Variants in HERC3 observed in about 807,000 individuals in gnomAD.
HERC3 encodes the protein probable E3 ubiquitin-protein ligase HERC3.
A neutral mutation model predicts 129.9 loss-of-function variants in HERC3; 58 were observed. That is an observed-to-expected ratio of 0.45 (90% CI 0.36 to 0.56). The LOEUF (loss-of-function observed/expected upper bound fraction) is 0.56, where lower values mean the gene tolerates loss of function less well. HERC3 is among the 20% of genes least tolerant of loss of function. HERC3 has a pLI of 0.00. For synonymous variants in HERC3, 430 were observed against 451.0 expected (o/e 0.95, Z 0.59); for missense variants, 835 against 1,244.2 (o/e 0.67, Z 4.95).
intron 3 of HERC3, among the ~76,000 whole-genome samples, chr4:88,628,800 A>T (rs1387448279): frequency 6.6e-6 from 1 of 152,206 alleles, no homozygotes; most frequent in African/African-American, 2.4e-5. Flanking sequence ...CCTCTTACTT[A>T]ATCACATTGA....
At chr4:88,654,007 ATG>A (rs779580046) in intron 6 of HERC3, 33 bp from the exon 7 acceptor site, 1 of 1,458,542 alleles carries the variant, frequency 6.9e-7, no homozygotes, top group African/African-American at 1.4e-5. Flanking sequence ...TCAAAGGCAA[ATG>A]GTAGTGATAT....
chr4:88,683,561 A>T (rs933424197), intron 21 of HERC3, among the ~76,000 whole-genome samples: 1 of 152,226 alleles, frequency 6.6e-6, no homozygotes, highest in Non-Finnish European at 1.5e-5. Flanking sequence ...TTGGCTGATT[A>T]ACTGGTGGCA....
At chr4:88,578,139 T>G in the HERC3 span, among the ~76,000 whole-genome samples, 3 of 152,152 alleles carry the variant, frequency 2.0e-5, no homozygotes, top group Non-Finnish European at 4.4e-5. Flanking sequence ...ATAACAAGAA[T>G]GAGAAACAGA....
the HERC3 span, among the ~76,000 whole-genome samples, chr4:88,536,224 T>G: frequency 6.6e-6 from 1 of 152,192 alleles, no homozygotes. Flanking sequence ...TTCTGAACTA[T>G]TTGTTGTCCC....
chr4:88,554,653 G>A, the HERC3 span, among the ~76,000 whole-genome samples: 2 of 152,152 alleles, frequency 1.3e-5, no homozygotes, highest in African/African-American at 4.8e-5. Flanking sequence ...GGAAGAATTG[G>A]TTGAGAATGG....
intron 3 of HERC3, among the ~76,000 whole-genome samples, chr4:88,624,977 A>C (rs1355076544): frequency 1.3e-5 from 2 of 152,154 alleles, no homozygotes; most frequent in African/African-American, 4.8e-5. Context: ...GCTCCCTTGC[A>C]TTATCCTGGA....
At chr4:88,704,346 T>TC (rs1179266339) in intron 24 of HERC3, 65 bp downstream of exon 24, 90 of 1,511,748 alleles carry the variant, frequency 6.0e-5, no homozygotes, top group Non-Finnish European at 8.1e-5. Flanking sequence ...GGGGAGGTGT[T>TC]CCCAGAGCCT....
intron 3 of HERC3, among the ~76,000 whole-genome samples, chr4:88,627,989 T>C (rs559252697): frequency 8.5e-5 from 13 of 152,136 alleles, no homozygotes; most frequent in South Asian, 6.2e-4. Context: ...ATGTTCTAAG[T>C]GCATCAACGA....
chr4:88,642,437 G>A (rs1390968377), intron 3 of HERC3, among the ~76,000 whole-genome samples: 1 of 152,202 alleles, frequency 6.6e-6, no homozygotes, highest in African/African-American at 2.4e-5. Context: ...TTATAGCTAT[G>A]TCAAACAGTG....
At chr4:88,549,597 C>T in the HERC3 span, among the ~76,000 whole-genome samples, 2 of 152,102 alleles carry the variant, frequency 1.3e-5, no homozygotes, top group South Asian at 2.1e-4. Flanking sequence ...ACTTCACTTA[C>T]GATAATGGCC....
At chr4:88,602,983 C>T (rs1417276048) in intron 2 of HERC3, among the ~76,000 whole-genome samples, 1 of 152,114 alleles carries the variant, frequency 6.6e-6, no homozygotes, top group African/African-American at 2.4e-5. Flanking sequence ...TCTTTTTATT[C>T]ATGCTTGGCA....
chr4:88,679,104 T>A (rs1189240507), intron 19 of HERC3, among the ~76,000 whole-genome samples: 1 of 152,200 alleles, frequency 6.6e-6, no homozygotes, highest in Non-Finnish European at 1.5e-5. Flanking sequence ...TCTGCCCGAG[T>A]CATTATCTAT....
chr4:88,556,347 G>A, the HERC3 span, among the ~76,000 whole-genome samples: 1 of 152,098 alleles, frequency 6.6e-6, no homozygotes, highest in Non-Finnish European at 1.5e-5. Flanking sequence ...TGAACAAAAT[G>A]CAAGTAAACC....
chr4:88,567,078 C>T, the HERC3 span, among the ~76,000 whole-genome samples: 18 of 152,162 alleles, frequency 1.2e-4, no homozygotes, highest in Non-Finnish European at 2.1e-4. Context: ...CATAAGCCAC[C>T]ATACCTGGCT....
intron 16 of HERC3, among the ~76,000 whole-genome samples, chr4:88,675,265 T>C (rs1365872869): frequency 1.3e-5 from 2 of 152,208 alleles, no homozygotes; most frequent in Non-Finnish European, 2.9e-5. Flanking sequence ...GGCCTTTTCT[T>C]AGGTGCAGAT....
chr4:88,649,680 T>C (rs890544768), intron 3 of HERC3, among the ~76,000 whole-genome samples, 160 bp from the exon 4 acceptor site: 1 of 152,170 alleles, frequency 6.6e-6, no homozygotes, highest in African/African-American at 2.4e-5. Flanking sequence ...TGTAAATTGA[T>C]AGAGTTTAGA....
rs1182224349 is a variant in HERC3 at position 88,693,485 on chromosome 4, TA to T, written c.2657+6187del. 5 of 973,446 alleles carry T rather than the reference TA, an allele frequency of 5.1e-6. No individual in the cohort carries two copies. In the East Asian group the frequency reaches 4.6e-4, roughly 89 times the overall value. 60.3% of individuals were successfully genotyped at this position (973,446 alleles called of 1,614,324 possible). A position where few individuals can be genotyped will look rare whatever the true frequency, so the allele number is the denominator to read the frequency against. On this transcript the variant is annotated intron_variant, in intron 23 of 25. Transcript: ENST00000402738. ...CACACATAGGCTACTTTACATAGTC[TA>T]CACAGTATTGATCTATTTTACTGCT...
At chr4:88,594,010 C>G (rs1408652184) in intron 1 of HERC3, among the ~76,000 whole-genome samples, 1 of 152,166 alleles carries the variant, frequency 6.6e-6, no homozygotes, top group East Asian at 1.9e-4. Flanking sequence ...TAGGAACTTT[C>G]TGTAAAAAGT....
intron 23 of HERC3, among the ~76,000 whole-genome samples, chr4:88,689,121 A>C (rs1254984580): frequency 6.6e-6 from 1 of 152,160 alleles, no homozygotes; most frequent in African/African-American, 2.4e-5. Context: ...TTCTTCCTCT[A>C]AATAGTTGGG....
Sources: gnomAD v4.1 joint callset for allele counts (sites outside exome capture counted in the v4.1 genomes callset) on GRCh38, gnomAD v4.1.1 for gene constraint, MANE v1.5 for transcripts, NCBI Gene and HGNC (gene_info 2026-07-23, HGNC 2026-07-21) for gene names.